Variants in DYNC1H1 observed in about 807,000 individuals in gnomAD.
The protein encoded by DYNC1H1 is dynein cytoplasmic 1 heavy chain 1.
DYNC1H1 carries 51 observed loss-of-function variants against 527.1 expected under a neutral mutation model. The ratio of observed to expected loss-of-function variants is 0.10; its 90% CI spans 0.08 to 0.12. The LOEUF (loss-of-function observed/expected upper bound fraction) is 0.12, where lower values mean the gene tolerates loss of function less well. Among genes scored for constraint, DYNC1H1 ranks in the 10% least tolerant of loss-of-function variants. DYNC1H1 has a pLI of 1.00. For synonymous variants in DYNC1H1, 2,189 were observed against 2,278.8 expected, an observed-to-expected ratio of 0.96 and a Z score of 1.12; for missense variants, 2,771 against 5,971.8, an observed-to-expected ratio of 0.46 and a Z score of 17.66.
At chr14:102,030,580 G>A (rs751545281) in intron 51 of DYNC1H1, 12 of 374,022 alleles carry the variant, frequency 3.2e-5, no homozygotes, top group Non-Finnish European at 5.0e-5. Flanking sequence ...TGATAATTAC[G>A]TAAGTATGCT....
Position 102,016,715 on chromosome 14 carries a change from G to T in DYNC1H1, c.7615-51G>T. The stretch of plus-strand genomic sequence containing the variant: ...TTGTGTTCAGGTAAACAAACCTCGT[G>T]AGGAGGCACCTTGGTTGCAGCCGGA... On this transcript the variant is annotated intron_variant, in intron 37 of 77. Coordinates refer to ENST00000360184, the MANE Select transcript of DYNC1H1 (RefSeq NM_001376.5). This position sits in a 1 kb window ranked among gnomAD's most constrained non-coding sequence, Gnocchi z 7.3. 6.3e-7 allele frequency: 1 copy of T among 1,592,056 alleles called. No individual in the cohort carries two copies. Among genetic ancestry groups the T allele is most frequent in the Non-Finnish European group, 8.6e-7 (1 of 1,168,368 alleles).
At chr14:102,003,301 C>T (rs928872632) in intron 23 of DYNC1H1, among the ~76,000 whole-genome samples, 2 of 147,780 alleles carry the variant, frequency 1.4e-5, no homozygotes, top group African/African-American at 2.5e-5. Context: ...CTTGCTCTGT[C>T]GCCCAGGCTG....
chr14:102,021,643 CTTTTTTCTTTTTCTTTTTTTTT>C (rs1567014665), intron 42 of DYNC1H1, among the ~76,000 whole-genome samples: 1 of 143,626 alleles, frequency 7.0e-6, no homozygotes, highest in African/African-American at 2.6e-5. Context: ...GTTCCCATTT[CTTTTTTCTTTTTCTTTTTTTTT>C]TTTTTTTTTT....
At position 102,026,712 on chromosome 14, in the gene DYNC1H1, G is replaced by C. The variant is rs1476153390; in HGVS notation, c.8771+5G>C. On this transcript the variant is annotated splice_donor_5th_base_variant and intron_variant, in intron 44 of 77. Transcript: ENST00000360184. ...CCACGTGCTGAGGATTGACAGGTGG[G>C]CTTTTTTGTTGTTACAGCCCCACCT... The C allele has an allele frequency of 1.2e-6, 2 of 1,613,718 alleles. No homozygotes were observed. The highest frequency in any genetic ancestry group is 3.3e-5 in the Admixed American group (2 of 59,968).
At position 101,993,739 on chromosome 14, in the gene DYNC1H1, C is replaced by T. The variant is rs17512187; in HGVS notation, c.3016-445C>T. On this transcript the variant is annotated intron_variant, in intron 11 of 77. Coordinates refer to ENST00000360184, the MANE Select transcript of DYNC1H1 (RefSeq NM_001376.5). ...GCCTTCCCCATGCTGTGCCCACACT[C>T]CCTCTCCTTCTCACTCTTGCTCCGT... 5.5e-3 allele frequency among the ~76,000 whole-genome samples: 843 copies of T among 152,294 alleles called. 17 individuals carry two copies. Among genetic ancestry groups the T allele is most frequent in the East Asian group, 0.037 (190 of 5,180 alleles).
At position 101,965,002 on chromosome 14, in the gene DYNC1H1, C is replaced by G; in HGVS notation, c.256+55C>G. 6.5e-7 allele frequency: 1 copy of G among 1,530,914 alleles called. No homozygotes were observed. Among genetic ancestry groups the G allele is most frequent in the South Asian group, 1.2e-5 (1 of 83,638 alleles). The allele number at this position is 1,530,914 out of a possible 1,614,324, so 94.8% of individuals were successfully genotyped here. A position where few individuals can be genotyped will look rare whatever the true frequency, so the allele number is the denominator to read the frequency against. ...GAGCCAGGCCTCGCGGAATGCAGGG[C>G]CTGCCAGGTCCTCCGGGGTCGCAGA... On this transcript the variant is annotated intron_variant, in intron 1 of 77. Transcript: ENST00000360184. The surrounding 1 kb of genome is among the most constrained non-coding windows in gnomAD (Gnocchi z 4.1).
At chr14:102,032,126 GTCTC>G in intron 51 of DYNC1H1, 142 bp from the exon 52 acceptor site, 1 of 943,558 alleles carries the variant, frequency 1.1e-6, no homozygotes, top group Non-Finnish European at 1.7e-6. Flanking sequence ...ATACAGAAAA[GTCTC>G]TCATTTCTTA....
Position 102,020,797 on chromosome 14 carries a change from C to T in DYNC1H1, c.8507+741C>T, listed in dbSNP as rs17541241. Among the ~76,000 whole-genome samples, 450 of 152,294 alleles carry T rather than the reference C, an allele frequency of 3.0e-3. 4 individuals carry two copies. Among genetic ancestry groups the T allele is most frequent in the African/African-American group, 0.01 (427 of 41,554 alleles). On this transcript the variant is annotated intron_variant, in intron 42 of 77. Coordinates refer to ENST00000360184, the MANE Select transcript of DYNC1H1 (RefSeq NM_001376.5). This position sits in a 1 kb window ranked among gnomAD's most constrained non-coding sequence, Gnocchi z 4.3. ...ATGCTTAAGTGTTTGGCAGCTGTGC[C>T]TCTGGACCAGGTGTCATCCTGCAGT... is the stretch of plus-strand genomic sequence containing the variant.
At chr14:102,048,822 G>GGGT in intron 74 of DYNC1H1, 153 bp downstream of exon 74, 1 of 346,590 alleles carries the variant, frequency 2.9e-6, no homozygotes, top group Admixed American at 4.1e-5. Context: ...AGGTGGGCGG[G>GGGT]GGGAGGGGAG....
At chr14:102,026,764 G>C in intron 44 of DYNC1H1, 57 bp downstream of exon 44, 1 of 1,593,884 alleles carries the variant, frequency 6.3e-7, no homozygotes, top group Non-Finnish European at 8.6e-7. Flanking sequence ...TTGAGTAAGT[G>C]TGTGTGCCGG....
At position 102,011,771 on chromosome 14, in the gene DYNC1H1, A is replaced by T; in HGVS notation, c.6619-104A>T. 1.6e-6 allele frequency: 2 copies of T among 1,266,840 alleles called. No homozygotes were observed. Among genetic ancestry groups the T allele is most frequent in the South Asian group, 1.3e-5 (1 of 77,674 alleles). 78.5% of individuals were successfully genotyped at this position (1,266,840 alleles called of 1,614,324 possible). ...CGTTTCAGGAAAAAAAAAAAAATCC[A>T]CACATAATGTTTCTTGCTCACTTTC... On this transcript the variant is annotated intron_variant, in intron 32 of 77. Coordinates refer to ENST00000360184, the MANE Select transcript of DYNC1H1 (RefSeq NM_001376.5). The surrounding 1 kb of genome is among the most constrained non-coding windows in gnomAD (Gnocchi z 5.3).
At chr14:102,043,207 C>T (rs1332209289) in intron 69 of DYNC1H1, 2 of 280,742 alleles carry the variant, frequency 7.1e-6, no homozygotes, top group Non-Finnish European at 1.4e-5. Flanking sequence ...CGCTTGAACC[C>T]AGGAGGCAGA....
At chr14:102,014,128 C>T (rs1487466490) in intron 34 of DYNC1H1, among the ~76,000 whole-genome samples, 3 of 152,218 alleles carry the variant, frequency 2.0e-5, no homozygotes, top group East Asian at 1.9e-4. Context: ...GATTAATCTC[C>T]TTGTGAGGCA....
In DYNC1H1 at chr14:102,018,496, C is replaced by G. The variant is rs149018711; in HGVS notation, c.8223C>G (p.Pro2741=). 1.2e-6 allele frequency: 2 copies of G among 1,613,992 alleles called. No individual in the cohort carries two copies. Among genetic ancestry groups the G allele is most frequent in the African/African-American group, 1.3e-5 (1 of 75,040 alleles). Reference sequence around the variant, plus strand: ...TCGTGTATGTGGATTACCCGGGCCCCGCCTCCCTCACACAGATCTACGGCA... The same window carrying G: ...TCGTGTATGTGGATTACCCGGGCCCGGCCTCCCTCACACAGATCTACGGCA... ...VPVVYVDYPG[P]ASLTQIYGTF... is the part of the protein sequence containing the mutation. The change falls in exon 41 of 78, where the codon CCC becomes CCG. Residue 2741 remains proline (P), a synonymous_variant. Coordinates refer to ENST00000360184, the MANE Select transcript of DYNC1H1 (RefSeq NM_001376.5). This position sits in a 1 kb window ranked among gnomAD's most constrained non-coding sequence, Gnocchi z 5.2.
At chr14:101,973,881 A>C (rs752309998) in intron 1 of DYNC1H1, among the ~76,000 whole-genome samples, 7 of 152,202 alleles carry the variant, frequency 4.6e-5, no homozygotes, top group Non-Finnish European at 8.8e-5. Context: ...TAAGGAAGCA[A>C]ATAGCTTTTG....
intron 56 of DYNC1H1, chr14:102,034,874 C>A: frequency 3.4e-6 from 1 of 295,044 alleles, no homozygotes; most frequent in Non-Finnish European, 6.6e-6. Context: ...TGCGGTGAGC[C>A]GAGATCACGC....
chr14:101,967,430 G>A (rs1388483054), intron 1 of DYNC1H1, among the ~76,000 whole-genome samples: 2 of 152,260 alleles, frequency 1.3e-5, no homozygotes, highest in African/African-American at 4.8e-5. Context: ...TTTTTTTGTG[G>A]AAGTATCCAA....
chr14:102,011,992 G>T lies in DYNC1H1; in HGVS notation c.6736G>T (p.Gly2246Cys). 6.2e-7 allele frequency: 1 copy of T among 1,614,088 alleles called. No homozygotes were observed. Among genetic ancestry groups the T allele is most frequent in the Non-Finnish European group, 8.5e-7 (1 of 1,180,022 alleles). Reference protein sequence around the residue: ...VLLKALERLEGVEGVAHIIDP... With the variant: ...VLLKALERLECVEGVAHIIDP... ...GCTGAAGGCATTGGAGAGACTCGAG[G>T]GTGTGGAAGGTGTGGCCCATATCAT... Residue 2246 changes from glycine to cysteine, a missense_variant, in exon 33 of 78, where the codon GGT becomes TGT. This residue lies in a region of DYNC1H1 where 56 missense variants were observed against 183.8 expected (regional missense o/e 0.30). Coordinates refer to ENST00000360184, the MANE Select transcript of DYNC1H1 (RefSeq NM_001376.5). The surrounding 1 kb of genome is among the most constrained non-coding windows in gnomAD (Gnocchi z 5.3).
intron 29 of DYNC1H1, chr14:102,009,605 C>A: frequency 1.8e-6 from 1 of 546,234 alleles, no homozygotes; most frequent in Non-Finnish European, 3.2e-6. Flanking sequence ...TGGTCTCTGC[C>A]TCTGGTGGCT....
Sources: allele counts gnomAD v4.1 joint callset (sites outside exome capture counted in the v4.1 genomes callset), GRCh38; gene constraint gnomAD v4.1.1; regional missense constraint gnomAD v4.1.1; non-coding constraint Gnocchi (gnomAD v3.1); transcripts MANE v1.5; gene names NCBI Gene and HGNC (gene_info 2026-07-23, HGNC 2026-07-21).